Variants in UGGT2 observed in about 807,000 individuals in gnomAD.
UGGT2 encodes the protein UDP-glucose glycoprotein glucosyltransferase 2.
Under a neutral mutation model 192.1 loss-of-function variants are expected in UGGT2, and 180 were observed. The observed-to-expected ratio is 0.94, with a 90% confidence interval of 0.83 to 1.06. The LOEUF (loss-of-function observed/expected upper bound fraction) is 1.06, where lower values mean the gene tolerates loss of function less well. UGGT2 is among the 50% of genes least tolerant of loss of function. The pLI, the probability that UGGT2 is intolerant of heterozygous loss-of-function variation, is 0.00. For synonymous variants in UGGT2, 580 were observed against 591.0 expected, an observed-to-expected ratio of 0.98 and a Z score of 0.27; for missense variants, 1,849 against 1,795.7, an observed-to-expected ratio of 1.03 and a Z score of -0.54.
chr13:95,865,298 A>C (rs7323150), intron 30 of UGGT2, among the ~76,000 whole-genome samples: 54,317 of 151,838 alleles, frequency 0.36, 10,214 homozygotes, highest in Non-Finnish European at 0.42. Flanking sequence ...CTATCTTTTT[A>C]CTGTAATTCT....
chr13:95,938,838 A>C (rs750739353), intron 16 of UGGT2, among the ~76,000 whole-genome samples: 8 of 151,810 alleles, frequency 5.3e-5, no homozygotes, highest in South Asian at 2.1e-4. Flanking sequence ...AAATATGTCC[A>C]TTTTCTCTGC....
At chr13:95,807,728 T>TTTTTTTTTTTTTTC (rs1453091166) in intron 38 of UGGT2, among the ~76,000 whole-genome samples, 2 of 147,356 alleles carry the variant, frequency 1.4e-5, no homozygotes, top group African/African-American at 5.0e-5. Context: ...TTTTTTTTTT[T>TTTTTTTTTTTTTTC]TTTTTTTGCC....
At chr13:96,040,680 C>G (rs1336149705) in intron 1 of UGGT2, among the ~76,000 whole-genome samples, 2 of 152,038 alleles carry the variant, frequency 1.3e-5, no homozygotes, top group Non-Finnish European at 2.9e-5. Context: ...ATTTAATACC[C>G]TGGCAAACCC....
chr13:95,942,752 C>G (rs2049734004), intron 15 of UGGT2, among the ~76,000 whole-genome samples: 2 of 151,998 alleles, frequency 1.3e-5, no homozygotes, highest in South Asian at 4.1e-4. Flanking sequence ...ACATTTTTCC[C>G]TATTTTTTAA....
At chr13:95,869,757 C>A (rs898182669) in intron 29 of UGGT2, among the ~76,000 whole-genome samples, 1 of 152,060 alleles carries the variant, frequency 6.6e-6, no homozygotes, top group Non-Finnish European at 1.5e-5. Context: ...GCTAAGCAGT[C>A]AGAGGAAATG....
At chr13:95,913,521 C>T (rs1189557372) in intron 20 of UGGT2, among the ~76,000 whole-genome samples, 1 of 152,184 alleles carries the variant, frequency 6.6e-6, no homozygotes, top group African/African-American at 2.4e-5. Flanking sequence ...AAGTGCAAAT[C>T]AAAACCACAA....
intron 11 of UGGT2, among the ~76,000 whole-genome samples, chr13:95,971,018 A>G (rs1315993761): frequency 2.6e-5 from 4 of 152,166 alleles, no homozygotes; most frequent in Non-Finnish European, 5.9e-5. Flanking sequence ...GGTGAGATGT[A>G]GGCCTTTATA....
intron 10 of UGGT2, among the ~76,000 whole-genome samples, chr13:95,976,758 C>T (rs1453075784): frequency 6.6e-6 from 1 of 152,050 alleles, no homozygotes; most frequent in East Asian, 1.9e-4. Context: ...CAATCCAAAG[C>T]AAAAACAACA....
chr13:95,824,024 T>C (rs1594078427), intron 38 of UGGT2, among the ~76,000 whole-genome samples: 1 of 152,148 alleles, frequency 6.6e-6, no homozygotes, highest in Non-Finnish European at 1.5e-5. Context: ...CTTTCGTTTA[T>C]GAAAGGTTTT....
At chr13:95,901,035 T>C (rs563284233) in intron 21 of UGGT2, 97 bp from the exon 22 acceptor site, 1 of 870,452 alleles carries the variant, frequency 1.1e-6, no homozygotes, top group East Asian at 3.6e-5. Context: ...AAATTTTAAA[T>C]AATACTTTCA....
rs1594228168 is a variant in UGGT2, at chr13:95,883,762, G to A, written c.3228+729C>T. ...AGCCAGTCTCAGACAGTTCTTTATA[G>A]CAGTGTGAAAACAGACTACCACACG... On this transcript the variant is annotated intron_variant, in intron 27 of 38. Transcript: ENST00000376747. Among the ~76,000 whole-genome samples, 3 of 152,084 alleles carry A rather than the reference G, an allele frequency of 2.0e-5. No individual in the cohort carries two copies. The South Asian group carries it at 6.2e-4, about 32-fold the overall frequency.
chr13:95,872,892 G>T (rs1891339985), intron 29 of UGGT2, among the ~76,000 whole-genome samples: 2 of 152,168 alleles, frequency 1.3e-5, no homozygotes. Flanking sequence ...GGGATAAGTG[G>T]AGAGGAAATG....
intron 12 of UGGT2, among the ~76,000 whole-genome samples, chr13:95,963,589 A>C (rs919143235): frequency 6.6e-6 from 1 of 152,202 alleles, no homozygotes; most frequent in Non-Finnish European, 1.5e-5. Flanking sequence ...GGAAAAGAGG[A>C]AGTTAAACTG....
intron 27 of UGGT2, among the ~76,000 whole-genome samples, chr13:95,880,937 G>A (rs565518137): frequency 6.6e-6 from 1 of 152,328 alleles, no homozygotes; most frequent in East Asian, 1.9e-4. Context: ...CACTTTGGGA[G>A]GCCGAGGTGG....
At chr13:95,839,739 T>A (rs547972422) in intron 36 of UGGT2, among the ~76,000 whole-genome samples, 1 of 152,360 alleles carries the variant, frequency 6.6e-6, no homozygotes, top group East Asian at 1.9e-4. Flanking sequence ...TACACTATTC[T>A]ACATTCCAAA....
chr13:95,864,884 C>T (rs1048429917), intron 30 of UGGT2, among the ~76,000 whole-genome samples: 5 of 152,170 alleles, frequency 3.3e-5, no homozygotes, highest in African/African-American at 1.2e-4. Context: ...TTTTCTAAAT[C>T]TTCACACTTC....
chr13:95,967,926 T>A (rs1007865962), intron 12 of UGGT2, among the ~76,000 whole-genome samples: 7 of 152,178 alleles, frequency 4.6e-5, no homozygotes, highest in Admixed American at 1.3e-4. Context: ...TCCAAATAGA[T>A]CTTGAAAGAA....
At chr13:95,880,891 A>G (rs2140178622) in intron 27 of UGGT2, among the ~76,000 whole-genome samples, 1 of 152,154 alleles carries the variant, frequency 6.6e-6, no homozygotes, top group Non-Finnish European at 1.5e-5. Flanking sequence ...AAAACAAAAC[A>G]TGGCCGAGTG....
At chr13:95,803,892 C>T (rs1175536509) in intron 38 of UGGT2, among the ~76,000 whole-genome samples, 1 of 152,064 alleles carries the variant, frequency 6.6e-6, no homozygotes, top group African/African-American at 2.4e-5. Flanking sequence ...AAGATGAATA[C>T]ATAAGACAGC....
Sources: gnomAD v4.1 joint callset for allele counts (sites outside exome capture counted in the v4.1 genomes callset) on GRCh38, gnomAD v4.1.1 for gene constraint, MANE v1.5 for transcripts, NCBI Gene and HGNC (gene_info 2026-07-23, HGNC 2026-07-21) for gene names.